The following HMGA2 variants were observed in gnomAD, a reference collection of about 807,000 sequenced individuals.
HMGA2 encodes high mobility group AT-hook 2.
Under a neutral mutation model 19.1 loss-of-function variants are expected in HMGA2, and 8 were observed. The ratio of observed to expected loss-of-function variants is 0.42; its 90% CI spans 0.25 to 0.76. HMGA2 has a LOEUF of 0.76. Among genes scored for constraint, HMGA2 ranks in the 30% least tolerant of loss-of-function variants. The pLI, the probability that HMGA2 is intolerant of heterozygous loss-of-function variation, is 0.28. For synonymous variants in HMGA2, 60 were observed against 48.8 expected, an observed-to-expected ratio of 1.23 and a Z score of -0.96; for missense variants, 109 against 136.3, an observed-to-expected ratio of 0.80 and a Z score of 1.00.
intron 3 of HMGA2, among the ~76,000 whole-genome samples, chr12:65,902,817 C>T (rs1019887101): frequency 3.3e-4 from 50 of 152,276 alleles, no homozygotes; most frequent in African/African-American, 1.1e-3. Context: ...GTGAAACTCA[C>T]GGTGTGGCCT....
At chr12:65,891,150 A>G (rs575710315) in intron 3 of HMGA2, among the ~76,000 whole-genome samples, 15 of 152,252 alleles carry the variant, frequency 9.9e-5, no homozygotes, top group Admixed American at 3.9e-4. Context: ...AGCCGCTCTG[A>G]CCCTGTTTTG....
intron 3 of HMGA2, among the ~76,000 whole-genome samples, chr12:65,840,176 T>G (rs1203996526): frequency 6.6e-6 from 1 of 152,236 alleles, no homozygotes; most frequent in East Asian, 1.9e-4. Context: ...TCACCTTCCT[T>G]GTTGTACATA....
intron 4 of HMGA2, chr12:65,955,621 G>A (rs938402950): frequency 2.0e-5 from 3 of 152,226 alleles, no homozygotes; most frequent in Non-Finnish European, 4.4e-5. Context: ...GTACAGCCCT[G>A]GCAAACGATG....
At chr12:65,910,634 T>C (rs983391796) in intron 3 of HMGA2, among the ~76,000 whole-genome samples, 2 of 152,122 alleles carry the variant, frequency 1.3e-5, no homozygotes, top group Non-Finnish European at 2.9e-5. Context: ...GGTCCCTGAG[T>C]TTTCATGACA....
At chr12:65,888,552 C>CTTTTTTTTTTTTTTTTTTT (rs1565722298) in intron 3 of HMGA2, among the ~76,000 whole-genome samples, 1 of 90,304 alleles carries the variant, frequency 1.1e-5, no homozygotes, top group Non-Finnish European at 2.1e-5. Context: ...CCGTGGTGTG[C>CTTTTTTTTTTTTTTTTTTT]TCTTTTTTTT....
At chr12:65,893,043 C>A (rs148243388) in intron 3 of HMGA2, among the ~76,000 whole-genome samples, 1 of 152,140 alleles carries the variant, frequency 6.6e-6, no homozygotes, top group Non-Finnish European at 1.5e-5. Flanking sequence ...GCGAGTGTGT[C>A]TATGACAGAT....
chr12:65,933,955 T>C (rs373347366), intron 3 of HMGA2, among the ~76,000 whole-genome samples: 1 of 152,168 alleles, frequency 6.6e-6, no homozygotes, highest in African/African-American at 2.4e-5. Flanking sequence ...TGCCCAGATA[T>C]GAGTTCTCAG....
intron 3 of HMGA2, among the ~76,000 whole-genome samples, chr12:65,853,840 GAATGCCACC>G (rs1312425278): frequency 6.6e-6 from 1 of 152,190 alleles, no homozygotes; most frequent in Admixed American, 6.5e-5. Context: ...CCAAATTTGA[GAATGCCACC>G]AAAGCATTAA....
In HMGA2 at chr12:65,825,270, G is replaced by A. The variant is rs1364106459; in HGVS notation, c.-1G>A. On this transcript the variant is annotated 5_prime_UTR_variant, in exon 1 of 5. Coordinates refer to ENST00000403681, the MANE Select transcript of HMGA2 (RefSeq NM_003483.6). This position sits in a 1 kb window ranked among gnomAD's most constrained non-coding sequence, Gnocchi z 4.4. ...CGGCGGTAGCGGCGGCGGGAGGCAG[G>A]ATGAGCGCACGCGGTGAGGGCGCGG... 2 of 1,529,342 alleles carry A rather than the reference G, an allele frequency of 1.3e-6. No individual in the cohort carries two copies. Among genetic ancestry groups the A allele is most frequent in the Admixed American group, 4.0e-5 (2 of 50,548 alleles). The allele number at this position is 1,529,342 out of a possible 1,614,324, so 94.7% of individuals were successfully genotyped here.
At position 65,964,221 on chromosome 12, in the gene HMGA2, C is replaced by G. The variant is rs1445452586; in HGVS notation, c.*929C>G. 4.9e-6 allele frequency: 1 copy of G among 204,862 alleles called. No individual in the cohort carries two copies. The highest frequency in any genetic ancestry group is 7.5e-5 in the East Asian group (1 of 13,320). 12.7% of individuals were successfully genotyped at this position (204,862 alleles called of 1,614,324 possible). On this transcript the variant is annotated 3_prime_UTR_variant, in exon 5 of 5. Transcript: ENST00000403681. ...ACAGAATAATGCATGATGAACTCAC[C>G]TAATTATGAGGTGGGAGGAGCGAAA...
intron 3 of HMGA2, among the ~76,000 whole-genome samples, chr12:65,941,480 C>A (rs1876091031): frequency 6.6e-6 from 1 of 152,122 alleles, no homozygotes; most frequent in Non-Finnish European, 1.5e-5. Context: ...CCAAGAAAAA[C>A]AACTCAACTC....
chr12:65,833,318 T>C (rs1248480101), intron 2 of HMGA2, among the ~76,000 whole-genome samples: 2 of 151,974 alleles, frequency 1.3e-5, no homozygotes, highest in Non-Finnish European at 2.9e-5. Context: ...CTGAAGGAAA[T>C]AAAATGTGCT....
chr12:65,880,616 T>C (rs1362317886), intron 3 of HMGA2, among the ~76,000 whole-genome samples: 1 of 152,234 alleles, frequency 6.6e-6, no homozygotes, highest in Admixed American at 6.5e-5. Flanking sequence ...TTAGAAGTAC[T>C]AGTTCAGTGT....
chr12:65,825,397 C>A lies in HMGA2; in HGVS notation c.111+16C>A. The A allele has an allele frequency of 6.7e-7, 1 of 1,499,870 alleles. No individual in the cohort carries two copies. 92.9% of individuals were successfully genotyped at this position (1,499,870 alleles called of 1,614,324 possible). A position where few individuals can be genotyped will look rare whatever the true frequency, so the allele number is the denominator to read the frequency against. On this transcript the variant is annotated intron_variant, in intron 1 of 4. Coordinates refer to ENST00000403681, the MANE Select transcript of HMGA2 (RefSeq NM_003483.6). The surrounding 1 kb of genome is among the most constrained non-coding windows in gnomAD (Gnocchi z 4.4). ...GCAGCAGCAAGTCAGTACGAGGGCGCGGTGGGGGCACCAGCCCACCCCGTC... is the reference window on the plus strand; with the variant it reads ...GCAGCAGCAAGTCAGTACGAGGGCGAGGTGGGGGCACCAGCCCACCCCGTC...
intron 3 of HMGA2, among the ~76,000 whole-genome samples, chr12:65,839,534 A>T (rs1225429851): frequency 6.6e-6 from 1 of 151,664 alleles, no homozygotes; most frequent in Non-Finnish European, 1.5e-5. Context: ...TCTCCTCTAG[A>T]GTTCTGCATC....
intron 2 of HMGA2, among the ~76,000 whole-genome samples, chr12:65,834,484 A>T (rs1870616689): frequency 1.3e-5 from 2 of 152,012 alleles, no homozygotes; most frequent in Non-Finnish European, 2.9e-5. Context: ...ACACACATAT[A>T]AACACTTTTC....
chr12:65,844,064 A>G (rs893320500), intron 3 of HMGA2, among the ~76,000 whole-genome samples: 1 of 151,960 alleles, frequency 6.6e-6, no homozygotes, highest in Non-Finnish European at 1.5e-5. Context: ...AAAAAAAAAA[A>G]AAAAAGAAAT....
intron 3 of HMGA2, among the ~76,000 whole-genome samples, chr12:65,907,120 G>T (rs918885522): frequency 1.8e-4 from 28 of 152,096 alleles, no homozygotes; most frequent in African/African-American, 6.5e-4. Context: ...GGGGTTGCTG[G>T]GTGCGGTGGC....
At chr12:65,835,458 G>C (rs1177016709) in intron 2 of HMGA2, among the ~76,000 whole-genome samples, 1 of 152,182 alleles carries the variant, frequency 6.6e-6, no homozygotes, top group African/African-American at 2.4e-5. Context: ...TCTTCTAGAT[G>C]TAGTCTCAGA....
Sources: gnomAD v4.1 joint callset for allele counts (sites outside exome capture counted in the v4.1 genomes callset) on GRCh38, gnomAD v4.1.1 for gene constraint, Gnocchi (gnomAD v3.1) non-coding constraint, MANE v1.5 for transcripts, NCBI Gene and HGNC (gene_info 2026-07-23, HGNC 2026-07-21) for gene names.